The following MALRD1 variants were observed in gnomAD, a reference collection of about 807,000 sequenced individuals.
MALRD1 encodes the protein MAM and LDL receptor class A domain containing 1, also known as MAM and LDL-receptor class A domain-containing protein 1.
Under a neutral mutation model 242.1 loss-of-function variants are expected in MALRD1, and 247 were observed. The ratio of observed to expected loss-of-function variants is 1.02; its 90% CI spans 0.92 to 1.13. MALRD1 has a LOEUF of 1.13. Ranked by LOEUF, MALRD1 falls within the 50% of genes most tolerant of loss-of-function variation. MALRD1 has a pLI of 0.00. For missense variants in MALRD1, 2,989 were observed against 2,533.1 expected (o/e 1.18, Z -3.86); for synonymous variants, 995 against 866.6 (o/e 1.15, Z -2.60).
intron 38 of MALRD1, among the ~76,000 whole-genome samples, chr10:19,709,675 G>T (rs762286094): frequency 2.0e-5 from 3 of 151,548 alleles, no homozygotes; most frequent in Non-Finnish European, 2.9e-5. Context: ...CAGTTCTTAG[G>T]GTGTCTGTAA....
chr10:19,458,883 A>G (rs1381735698), intron 29 of MALRD1, among the ~76,000 whole-genome samples: 1 of 143,944 alleles, frequency 6.9e-6, no homozygotes, highest in Non-Finnish European at 1.5e-5. Context: ...TTAGATATGT[A>G]TAGTTGAGTT....
chr10:19,241,598 G>A (rs1245355448), intron 18 of MALRD1, among the ~76,000 whole-genome samples: 1 of 151,890 alleles, frequency 6.6e-6, no homozygotes, highest in Non-Finnish European at 1.5e-5. Context: ...CCAATTTTGG[G>A]ATTAGTTTGT....
chr10:19,338,872 TA>T (rs1843717899), intron 24 of MALRD1, among the ~76,000 whole-genome samples: 1 of 149,236 alleles, frequency 6.7e-6, no homozygotes, highest in Admixed American at 6.7e-5. Flanking sequence ...TATATATATA[TA>T]CACACACACA....
chr10:19,721,645 G>T (rs1834760879), intron 38 of MALRD1: 1 of 152,170 alleles, frequency 6.6e-6, no homozygotes, highest in South Asian at 2.1e-4. Context: ...TGTTTAAAAA[G>T]AAATACATAG....
intron 36 of MALRD1, among the ~76,000 whole-genome samples, chr10:19,638,288 C>T (rs1336637697): frequency 2.0e-5 from 3 of 151,738 alleles, no homozygotes; most frequent in Non-Finnish European, 4.4e-5. Context: ...ATTATATAAA[C>T]ATGTCAAGTA....
chr10:19,672,408 T>G (rs1366503026), intron 36 of MALRD1, among the ~76,000 whole-genome samples: 2 of 146,386 alleles, frequency 1.4e-5, no homozygotes, highest in African/African-American at 5.3e-5. Flanking sequence ...CAGAGATATA[T>G]AGCTTTTTTT....
At chr10:19,321,628 A>C (rs1011910698) in intron 21 of MALRD1, among the ~76,000 whole-genome samples, 16 of 152,144 alleles carry the variant, frequency 1.1e-4, no homozygotes, top group Non-Finnish European at 1.3e-4. Flanking sequence ...TTTTTGTTAG[A>C]AACATCTGAA....
At chr10:19,729,148 G>C (rs993778147) in intron 38 of MALRD1, among the ~76,000 whole-genome samples, 2 of 152,130 alleles carry the variant, frequency 1.3e-5, no homozygotes, top group Non-Finnish European at 2.9e-5. Context: ...GAATCCACAG[G>C]GACAATGTAT....
At chr10:19,370,029 G>A (rs1228840320) in intron 26 of MALRD1, among the ~76,000 whole-genome samples, 1 of 152,036 alleles carries the variant, frequency 6.6e-6, no homozygotes, top group Non-Finnish European at 1.5e-5. Flanking sequence ...GGATGTTTTT[G>A]AGTTTTAGCT....
At chr10:19,281,513 C>A (rs189752394) in intron 20 of MALRD1, among the ~76,000 whole-genome samples, 188 of 152,214 alleles carry the variant, frequency 1.2e-3, no homozygotes, top group African/African-American at 4.4e-3. Context: ...TATTCTTAGT[C>A]AAATAGTTTT....
intron 32 of MALRD1, among the ~76,000 whole-genome samples, chr10:19,534,874 GTTGT>G (rs1834587994): frequency 5.2e-4 from 2 of 3,870 alleles, no homozygotes; most frequent in African/African-American, 1.9e-3. Flanking sequence ...TAAAGTTTTT[GTTGT>G]TGTTGTTGTT....
chr10:19,101,538 TA>T (rs2131329246), intron 4 of MALRD1, among the ~76,000 whole-genome samples: 1 of 135,050 alleles, frequency 7.4e-6, no homozygotes, highest in East Asian at 2.2e-4. Context: ...ATATTGATAT[TA>T]TAACATATAA....
intron 32 of MALRD1, among the ~76,000 whole-genome samples, chr10:19,556,257 C>T (rs549801441): frequency 6.6e-6 from 1 of 152,194 alleles, no homozygotes; most frequent in South Asian, 2.1e-4. Context: ...TAGTATGGAA[C>T]ATTAGTTACA....
At chr10:19,297,096 A>AAT (rs1054593502) in intron 21 of MALRD1, among the ~76,000 whole-genome samples, 11 of 149,858 alleles carry the variant, frequency 7.3e-5, no homozygotes, top group African/African-American at 1.7e-4. Context: ...TTTATATATA[A>AAT]ATATATATAT....
At chr10:19,528,642 G>T (rs1341920586) in intron 31 of MALRD1, among the ~76,000 whole-genome samples, 2 of 152,134 alleles carry the variant, frequency 1.3e-5, no homozygotes, top group East Asian at 3.9e-4. Context: ...TCTTATTTTG[G>T]CAGCCTTTAT....
At chr10:19,440,475 C>T (rs907137195) in intron 28 of MALRD1, among the ~76,000 whole-genome samples, 1 of 152,024 alleles carries the variant, frequency 6.6e-6, no homozygotes, top group African/African-American at 2.4e-5. Context: ...GGTATTTCTC[C>T]TAATACTATC....
intron 1 of MALRD1, chr10:19,052,275 T>A: frequency 4.9e-6 from 1 of 203,304 alleles, no homozygotes; most frequent in Non-Finnish European, 1.0e-5. Flanking sequence ...GTAAATTTTC[T>A]AGATACGTCT....
At chr10:19,199,729 A>C (rs1340142460) in intron 14 of MALRD1, among the ~76,000 whole-genome samples, 1 of 151,928 alleles carries the variant, frequency 6.6e-6, no homozygotes, top group Admixed American at 6.6e-5. Flanking sequence ...TGAACCCGGG[A>C]GGTGGAGGTT....
rs564572606 is a variant in MALRD1 at position 19,227,846 on chromosome 10, T to C, written c.2991+18166T>C. Among the ~76,000 whole-genome samples, 21 of 152,260 alleles carry C rather than the reference T, an allele frequency of 1.4e-4. No individual in the cohort carries two copies. In the South Asian group the frequency reaches 2.1e-3, roughly 15 times the overall value. ...TTTTAATTTAAAAAGAGATGATATC[T>C]AATACACAAATGAAAAGATACTTGA... On this transcript the variant is annotated intron_variant, in intron 18 of 39. Transcript: ENST00000454679.
Sources: gnomAD v4.1 joint callset for allele counts (sites outside exome capture counted in the v4.1 genomes callset) on GRCh38, gnomAD v4.1.1 for gene constraint, MANE v1.5 for transcripts, NCBI Gene and HGNC (gene_info 2026-07-23, HGNC 2026-07-21) for gene names.